EPC2: variants seen among roughly 807,000 people sequenced by gnomAD.
EPC2 encodes the protein enhancer of polycomb 2, also known as enhancer of polycomb homolog 2.
A neutral mutation model predicts 92.1 loss-of-function variants in EPC2; 14 were observed. The ratio of observed to expected loss-of-function variants is 0.15; its 90% CI spans 0.10 to 0.24. The LOEUF (loss-of-function observed/expected upper bound fraction) is 0.24. Among genes scored for constraint, EPC2 ranks in the 10% least tolerant of loss-of-function variants. The pLI, the probability that EPC2 is intolerant of heterozygous loss-of-function variation, is 1.00. For missense variants in EPC2, 755 were observed against 971.5 expected (o/e 0.78, Z 2.96); for synonymous variants, 340 against 334.7 (o/e 1.02, Z -0.17).
At chr2:148,689,287 C>T (rs1217131222) in intron 1 of EPC2, among the ~76,000 whole-genome samples, 3 of 151,788 alleles carry the variant, frequency 2.0e-5, no homozygotes. Context: ...CGCCATTCTC[C>T]TGCCTCAGCC....
At chr2:148,777,184 GA>G (rs893882520) in intron 10 of EPC2, among the ~76,000 whole-genome samples, 1 of 149,470 alleles carries the variant, frequency 6.7e-6, no homozygotes, top group Non-Finnish European at 1.5e-5. Flanking sequence ...TTAAAAAAGA[GA>G]AAAAAAAAGA....
At position 148,656,477 on chromosome 2, in the gene EPC2, A is replaced by T. The variant is rs114160319; in HGVS notation, c.153+11307A>T. On this transcript the variant is annotated intron_variant, in intron 1 of 13. Transcript: ENST00000258484. ...AGTAGTAACTTGAGTCAGAAGAGCA[A>T]CAATAATATACTCTTTTGAAGAAAG... Among the ~76,000 whole-genome samples, 1,089 of 152,316 alleles carry T rather than the reference A, an allele frequency of 7.1e-3. 6 individuals carry two copies. The highest frequency in any genetic ancestry group is 0.025 in the African/African-American group (1,023 of 41,570).
At chr2:148,727,897 C>T (rs1682528747) in intron 2 of EPC2, among the ~76,000 whole-genome samples, 1 of 152,180 alleles carries the variant, frequency 6.6e-6, no homozygotes, top group Non-Finnish European at 1.5e-5. Flanking sequence ...GTACACTCTC[C>T]ACTCCAACCA....
chr2:148,725,371 T>G (rs1682473388), intron 2 of EPC2, among the ~76,000 whole-genome samples: 1 of 151,862 alleles, frequency 6.6e-6, no homozygotes, highest in Admixed American at 6.6e-5. Context: ...GTCACTTCTC[T>G]CTCTGTCAGC....
intron 1 of EPC2, among the ~76,000 whole-genome samples, chr2:148,678,627 C>T (rs186060659): frequency 1.2e-4 from 19 of 152,352 alleles, no homozygotes; most frequent in Non-Finnish European, 1.8e-4. Flanking sequence ...GTACAGCCTC[C>T]GCAGCCGCTG....
chr2:148,730,404 G>A (rs1682593263), intron 2 of EPC2, among the ~76,000 whole-genome samples: 1 of 152,212 alleles, frequency 6.6e-6, no homozygotes. Flanking sequence ...AAAGTTCAGT[G>A]TATTTCACAG....
intron 2 of EPC2, among the ~76,000 whole-genome samples, chr2:148,719,728 T>G (rs920769403): frequency 2.0e-5 from 3 of 152,214 alleles, no homozygotes; most frequent in African/African-American, 7.2e-5. Flanking sequence ...GGGGCCCGCT[T>G]AAAGCAACAG....
intron 1 of EPC2, 29 bp downstream of exon 1, chr2:148,645,199 C>G (rs1574556192): frequency 2.6e-6 from 4 of 1,541,640 alleles, no homozygotes; most frequent in Non-Finnish European, 3.5e-6. Flanking sequence ...ATTACCCCCC[C>G]TTCCCTCCTC....
intron 2 of EPC2, among the ~76,000 whole-genome samples, chr2:148,720,984 A>G (rs993602644): frequency 5.3e-5 from 8 of 152,126 alleles, no homozygotes; most frequent in Admixed American, 1.3e-4. Flanking sequence ...TCTGTATGCT[A>G]TGTGTAAGTA....
chr2:148,774,626 A>T (rs1039512629), intron 10 of EPC2, among the ~76,000 whole-genome samples: 47 of 146,876 alleles, frequency 3.2e-4, no homozygotes, highest in African/African-American at 3.9e-4. Context: ...AATATATTTT[A>T]TATATATATA....
chr2:148,664,587 GT>G (rs1489493414), intron 1 of EPC2, among the ~76,000 whole-genome samples: 1 of 152,172 alleles, frequency 6.6e-6, no homozygotes, highest in East Asian at 1.9e-4. Flanking sequence ...TGATGTTTGT[GT>G]TACACCTGTT....
Position 148,771,368 on chromosome 2 carries a change from C to T in EPC2, c.1701C>T (p.Thr567=). 6.3e-7 allele frequency: 1 copy of T among 1,599,748 alleles called. No individual in the cohort carries two copies. Among genetic ancestry groups the T allele is most frequent in the Non-Finnish European group, 8.5e-7 (1 of 1,174,740 alleles). ...VSAASVALLN[T]SKNGISVTGG... Reference sequence around the variant, plus strand: ...CAGCATCTGTAGCTTTATTGAACACCAGCAAGAATGGCATATCAGGTAAGC... The same window carrying T: ...CAGCATCTGTAGCTTTATTGAACACTAGCAAGAATGGCATATCAGGTAAGC... The change falls in exon 10 of 14, where the codon ACC becomes ACT. Residue 567 remains threonine (T), a synonymous_variant. Coordinates refer to ENST00000258484, the MANE Select transcript of EPC2 (RefSeq NM_015630.4).
intron 1 of EPC2, among the ~76,000 whole-genome samples, chr2:148,667,672 A>T (rs1681080344): frequency 6.6e-6 from 1 of 152,184 alleles, no homozygotes; most frequent in African/African-American, 2.4e-5. Flanking sequence ...CACTGACTAG[A>T]AACTCCAGTA....
chr2:148,673,049 C>G (rs974383523), intron 1 of EPC2, among the ~76,000 whole-genome samples: 1 of 152,120 alleles, frequency 6.6e-6, no homozygotes, highest in Non-Finnish European at 1.5e-5. Context: ...CTGAGAAATG[C>G]ACTGATAAAT....
intron 2 of EPC2, among the ~76,000 whole-genome samples, chr2:148,713,533 A>C (rs986973720): frequency 2.0e-5 from 3 of 152,220 alleles, no homozygotes; most frequent in African/African-American, 7.2e-5. Flanking sequence ...TTTTAAGTTT[A>C]GTGTAGCCTG....
In EPC2 at chr2:148,765,074, A is replaced by G. The variant is rs1036535474; in HGVS notation, c.1068A>G (p.Thr356=). 1.9e-5 allele frequency: 31 copies of G among 1,609,224 alleles called. No individual in the cohort carries two copies. Among genetic ancestry groups the G allele is most frequent in the Non-Finnish European group, 2.6e-5 (31 of 1,177,200 alleles). ...LITSQQPTPE[T]LPVINKSDIK... ...CATCTCAGCAACCCACTCCTGAGACATTGCCTGTGATCAATAAGAGTGACA... is the reference window on the plus strand; with the variant it reads ...CATCTCAGCAACCCACTCCTGAGACGTTGCCTGTGATCAATAAGAGTGACA... The change falls in exon 7 of 14, where the codon ACA becomes ACG. Residue 356 remains threonine, a synonymous_variant. Transcript: ENST00000258484.
At chr2:148,754,742 G>A (rs899181762) in intron 4 of EPC2, among the ~76,000 whole-genome samples, 4 of 152,130 alleles carry the variant, frequency 2.6e-5, no homozygotes, top group African/African-American at 9.7e-5. Context: ...GTTGTCAGTT[G>A]TGTTCGATTT....
intron 2 of EPC2, among the ~76,000 whole-genome samples, chr2:148,714,816 C>G (rs533201683): frequency 6.6e-6 from 1 of 152,190 alleles, no homozygotes; most frequent in East Asian, 1.9e-4. Context: ...ACATCTTTGT[C>G]AGATGGGTAA....
chr2:148,719,120 A>T (rs902737418), intron 2 of EPC2, among the ~76,000 whole-genome samples: 3 of 152,046 alleles, frequency 2.0e-5, no homozygotes, highest in African/African-American at 7.2e-5. Flanking sequence ...TAAACTGGCT[A>T]TTCTGGTTAT....
Sources: allele counts gnomAD v4.1 joint callset (sites outside exome capture counted in the v4.1 genomes callset), GRCh38; gene constraint gnomAD v4.1.1; transcripts MANE v1.5; gene names NCBI Gene and HGNC (gene_info 2026-07-23, HGNC 2026-07-21).